The following C5 variants were observed in gnomAD, a reference collection of about 807,000 sequenced individuals.
The protein encoded by C5 is complement C5, also known as C3 and PZP-like alpha-2-macroglobulin domain-containing protein 4.
In C5, 140 loss-of-function variants were observed where a neutral mutation model predicts 218.8. That is an observed-to-expected ratio of 0.64 (90% CI 0.56 to 0.74). C5 has a LOEUF of 0.74. Ranked by LOEUF, C5 falls within the 30% of genes least tolerant of loss-of-function variation. The pLI is 0.00. For synonymous variants in C5, 614 were observed against 682.3 expected (o/e 0.90, Z 1.56); for missense variants, 1,700 against 1,969.6 (o/e 0.86, Z 2.59).
the C5 span, among the ~76,000 whole-genome samples, chr9:121,070,421 A>ATATATATG: frequency 3.4e-5 from 4 of 119,262 alleles, no homozygotes; most frequent in African/African-American, 1.2e-4. Context: ...ATATATATAT[A>ATATATATG]TATATGTATG....
At chr9:120,997,493 T>G in intron 21 of C5, 54 bp downstream of exon 21, 52 of 1,237,224 alleles carry the variant, frequency 4.2e-5, no homozygotes, top group African/African-American at 5.9e-5. Flanking sequence ...CCCCTTTCTG[T>G]GTCTCTCTTT....
intron 30 of C5, among the ~76,000 whole-genome samples, chr9:120,974,140 C>T (rs571831100): frequency 3.9e-4 from 59 of 152,274 alleles, no homozygotes; most frequent in African/African-American, 1.3e-3. Flanking sequence ...ATGTGGGCAG[C>T]TAATATTAAT....
intron 25 of C5, among the ~76,000 whole-genome samples, chr9:120,983,926 A>G (rs2047014083): frequency 6.6e-6 from 1 of 152,194 alleles, no homozygotes; most frequent in Non-Finnish European, 1.5e-5. Flanking sequence ...CAAATAGTAG[A>G]TACAAGATAT....
In C5 at chr9:121,027,500, A is replaced by G. The variant is rs370478138; in HGVS notation, c.759-226T>C. Among the ~76,000 whole-genome samples, 62 of 152,356 alleles carry G rather than the reference A, an allele frequency of 4.1e-4. 1 individual carries two copies. The highest frequency in any genetic ancestry group is 1.4e-3 in the African/African-American group (59 of 41,592). ...GGTACTGGTACCAAAACAGATATAT[A>G]GACCAATGGAACAGAACAGAGGCCT... On this transcript the variant is annotated intron_variant, in intron 7 of 40. Coordinates refer to ENST00000223642, the MANE Select transcript of C5 (RefSeq NM_001735.3).
intron 21 of C5, 144 bp from the exon 22 acceptor site, chr9:120,996,444 T>C (rs945475737): frequency 8.3e-6 from 6 of 721,318 alleles, no homozygotes; most frequent in African/African-American, 1.8e-5. Context: ...CTTACATGGA[T>C]ATAAGCAGCA....
At chr9:121,021,890 A>G (rs1564155371) in intron 10 of C5, among the ~76,000 whole-genome samples, 196 bp from the exon 11 acceptor site, 1 of 151,750 alleles carries the variant, frequency 6.6e-6, no homozygotes, top group Non-Finnish European at 1.5e-5. Flanking sequence ...GCACAATCAT[A>G]GCGCACTGCA....
chr9:121,062,727 G>A, the C5 span, among the ~76,000 whole-genome samples: 2 of 152,232 alleles, frequency 1.3e-5, no homozygotes, highest in East Asian at 3.9e-4. Flanking sequence ...AATCACCAAA[G>A]TGATGGTATT....
chr9:121,005,854 C>T (rs2047211351), intron 20 of C5, 65 bp downstream of exon 20: 1 of 1,524,572 alleles, frequency 6.6e-7, no homozygotes, highest in Admixed American at 1.7e-5. Context: ...GGTAATTCCA[C>T]TAATAGAATT....
Position 121,046,770 on chromosome 9 carries a change from C to T in C5, c.66-387G>A, listed in dbSNP as rs559753756. 8.5e-5 allele frequency among the ~76,000 whole-genome samples: 13 copies of T among 152,116 alleles called. 1 individual carries two copies. The East Asian group carries it at 1.7e-3, about 20-fold the overall frequency. ...CTGTGGCATCTGCTGGCTGAGTGAC[C>T]GTGGTAAAGTCACTAAGTCTTTCTG... is the stretch of plus-strand genomic sequence containing the variant. On this transcript the variant is annotated intron_variant, in intron 1 of 40. Transcript: ENST00000223642.
In C5 at chr9:121,002,215, C is replaced by T. The variant is rs28374161; in HGVS notation, c.2562+3704G>A. ...ACATATACGTATATATGTATATATA[C>T]GTATATATATATATGTATATATGTA... On this transcript the variant is annotated intron_variant, in intron 20 of 40. Transcript: ENST00000223642. 3.3e-4 allele frequency among the ~76,000 whole-genome samples: 13 copies of T among 39,574 alleles called. 1 individual carries two copies. Among genetic ancestry groups the T allele is most frequent in the South Asian group, 1.6e-3 (1 of 610 alleles). The allele number at this position is 39,574 out of a possible 152,430, so 26.0% of individuals were successfully genotyped here. A position where few individuals can be genotyped will look rare whatever the true frequency, so the allele number is the denominator to read the frequency against.
At chr9:121,021,221 T>C (rs1182950496) in intron 11 of C5, among the ~76,000 whole-genome samples, 2 of 152,178 alleles carry the variant, frequency 1.3e-5, no homozygotes, top group African/African-American at 4.8e-5. Context: ...CTAACACTCA[T>C]GTGCACTGCT....
chr9:121,004,633 C>G (rs557625053), intron 20 of C5, among the ~76,000 whole-genome samples: 2 of 152,026 alleles, frequency 1.3e-5, no homozygotes, highest in Non-Finnish European at 2.9e-5. Flanking sequence ...ATTAGCCAAG[C>G]ATGGTGGCGT....
the C5 span, among the ~76,000 whole-genome samples, chr9:121,055,933 A>G: frequency 6.6e-5 from 10 of 152,318 alleles, no homozygotes; most frequent in East Asian, 1.9e-3. Context: ...AGAGAGAAAG[A>G]GACTTTGCCT....
chr9:120,965,612 AAAAGT>A (rs2046861762), intron 33 of C5, among the ~76,000 whole-genome samples: 1 of 152,200 alleles, frequency 6.6e-6, no homozygotes. Context: ...CACAATAAAG[AAAAGT>A]ATTCTAAAAT....
chr9:121,043,215 TAAACC>T, intron 2 of C5, 49 bp from the exon 3 acceptor site: 1 of 1,421,362 alleles, frequency 7.0e-7, no homozygotes, highest in Non-Finnish European at 9.8e-7. Context: ...CTAAAGTTAT[TAAACC>T]ATTAACTTTC....
chr9:121,002,310 G>GTATA (rs1358812272), intron 20 of C5, among the ~76,000 whole-genome samples: 269 of 53,558 alleles, frequency 5.0e-3, no homozygotes, highest in Middle Eastern at 8.8e-3. Flanking sequence ...ATATATATAT[G>GTATA]TGTGTGTATA....
At position 121,013,884 on chromosome 9, in the gene C5, A is replaced by G; in HGVS notation, c.2246T>C (p.Leu749Ser). 1 of 1,613,992 alleles carries G rather than the reference A, an allele frequency of 6.2e-7. No individual in the cohort carries two copies. The highest frequency in any genetic ancestry group is 1.7e-4 in the Middle Eastern group (1 of 6,058). ...RANISHKDMQ[L>S]GRLHMKTLLP... is the part of the protein sequence containing the mutation. ...AATGTCATACTTACGTAGCCTTCCC[A>G]ATTGCATGTCTTTATGAGAGATATT... The change falls in exon 17 of 41, where the codon TTG becomes TCG. Residue 749 changes from leucine to serine, a missense_variant. Transcript: ENST00000223642.
chr9:120,953,596 G>A (rs1476272536), intron 40 of C5, 134 bp downstream of exon 40: 3 of 934,224 alleles, frequency 3.2e-6, no homozygotes, highest in African/African-American at 3.3e-5. Context: ...TTCTTTGCTT[G>A]ACATTAATAT....
intron 12 of C5, among the ~76,000 whole-genome samples, chr9:121,019,007 T>C: frequency 6.6e-6 from 1 of 152,042 alleles, no homozygotes; most frequent in East Asian, 1.9e-4. Context: ...ACCCAAAAAC[T>C]GTTCAAAGTC....
Sources: allele counts gnomAD v4.1 joint callset (sites outside exome capture counted in the v4.1 genomes callset), GRCh38; gene constraint gnomAD v4.1.1; transcripts MANE v1.5; gene names NCBI Gene and HGNC (gene_info 2026-07-23, HGNC 2026-07-21).